The following CDCA3 variants were observed in gnomAD, a reference collection of about 807,000 sequenced individuals.
CDCA3 encodes cell division cycle-associated protein 3.
Under a neutral mutation model 29.1 loss-of-function variants are expected in CDCA3, and 16 were observed. The ratio of observed to expected loss-of-function variants is 0.55; its 90% CI spans 0.37 to 0.83. The LOEUF (loss-of-function observed/expected upper bound fraction) is 0.83. Among genes scored for constraint, CDCA3 ranks in the 40% least tolerant of loss-of-function variants. CDCA3 has a pLI of 0.00. For synonymous variants in CDCA3, 88 were observed against 124.5 expected (o/e 0.71, Z 1.95); for missense variants, 291 against 327.2 (o/e 0.89, Z 0.85).
rs375991472 is a variant in CDCA3 at position 6,849,811 on chromosome 12, C to A, written c.298G>T (p.Glu100Ter). The change falls in exon 4 of 6, where the codon GAA becomes TAA. Residue 100 changes from glutamate (E) to a stop codon, truncating the protein, a stop_gained. Coordinates refer to ENST00000538862, the MANE Select transcript of CDCA3 (RefSeq NM_031299.7). LOFTEE classifies it high-confidence loss of function. This position sits in a 1 kb window ranked among gnomAD's most constrained non-coding sequence, Gnocchi z 5.2. ...VKQLSEVFET[E>*]DSKSNLPPEP... ...GGGGGAAGATTTGATTTAGAGTCTT[C>A]AGTTTCAAATACTTCACTCAGCTGT... 1.3e-6 allele frequency: 2 copies of A among 1,579,012 alleles called. No individual in the cohort carries two copies. Among genetic ancestry groups the A allele is most frequent in the African/African-American group, 2.7e-5 (2 of 73,594 alleles).
At position 6,849,870 on chromosome 12, in the gene CDCA3, A is replaced by C; in HGVS notation, c.251-12T>G. 4 of 1,514,288 alleles carry C rather than the reference A, an allele frequency of 2.6e-6. No homozygotes were observed. Among genetic ancestry groups the C allele is most frequent in the Non-Finnish European group, 3.5e-6 (4 of 1,130,796 alleles). 93.8% of individuals were successfully genotyped at this position (1,514,288 alleles called of 1,614,324 possible). On this transcript the variant is annotated splice_polypyrimidine_tract_variant and intron_variant, in intron 3 of 5. Coordinates refer to ENST00000538862, the MANE Select transcript of CDCA3 (RefSeq NM_031299.7). This position sits in a 1 kb window ranked among gnomAD's most constrained non-coding sequence, Gnocchi z 5.2. ...TGGGCTTGGGGGGTCTAGAGGAAGA[A>C]AGTGAAGTGAACAGTGACCTTCTGA...
At position 6,850,351 on chromosome 12, in the gene CDCA3, G is replaced by A. The variant is rs1943821268; in HGVS notation, c.250+116C>T. The A allele has an allele frequency of 1.5e-6, 2 of 1,321,222 alleles. No homozygotes were observed. Among genetic ancestry groups the A allele is most frequent in the Non-Finnish European group, 2.1e-6 (2 of 939,302 alleles). 81.8% of individuals were successfully genotyped at this position (1,321,222 alleles called of 1,614,324 possible). ...AAATATTGAGATAAGAGTGAGATGG[G>A]TCCGAAGCAGGAGGATAGAGGCCCC... On this transcript the variant is annotated intron_variant, in intron 3 of 5. Coordinates refer to ENST00000538862, the MANE Select transcript of CDCA3 (RefSeq NM_031299.7). This position sits in a 1 kb window ranked among gnomAD's most constrained non-coding sequence, Gnocchi z 4.7.
intron 1 of CDCA3, 61 bp downstream of exon 1, chr12:6,851,161 T>TAC: frequency 1.5e-6 from 2 of 1,377,498 alleles, no homozygotes; most frequent in Admixed American, 3.4e-5. Flanking sequence ...GCTGACAAAA[T>TAC]GGCTCGTTCT....
downstream of CDCA3, chr12:6,846,573 C>T (rs1381767867): frequency 2.2e-6 from 1 of 459,364 alleles, no homozygotes; most frequent in African/African-American, 2.0e-5. Context: ...GGGTTGAGCC[C>T]AGTCTACCGA....
Position 6,850,460 on chromosome 12 carries a change from C to T in CDCA3, c.250+7G>A, listed in dbSNP as rs187591628. ...CTTCATCAGCATTCCCTGGGCCCAA[C>T]GCTTACCTCCACTGCTGGTCTTCAT... On this transcript the variant is annotated splice_region_variant and intron_variant, in intron 3 of 5. Transcript: ENST00000538862. The surrounding 1 kb of genome is among the most constrained non-coding windows in gnomAD (Gnocchi z 4.7). The T allele has an allele frequency of 9.3e-4, 1,507 of 1,614,086 alleles. 1 individual carries two copies. Among genetic ancestry groups the T allele is most frequent in the Admixed American group, 1.3e-3 (76 of 60,022 alleles).
rs1427299737 is a variant in CDCA3 at position 6,849,408 on chromosome 12, T to C, written c.566A>G (p.Lys189Arg). 2 of 1,599,372 alleles carry C rather than the reference T, an allele frequency of 1.3e-6. No individual in the cohort carries two copies. The highest frequency in any genetic ancestry group is 2.7e-5 in the African/African-American group (2 of 74,226). The part of the protein sequence containing the change: ...RSSGSMRNRW[K>R]PNSSKVLGRS... ...CCCTAGTACCTTGCTGCTGTTTGGT[T>C]TCCATCTATTGCGCATAGAACCTGG... Residue 189 changes from lysine (K) to arginine (R), a missense_variant, in exon 5 of 6, where the codon AAA (lysine) becomes AGA (arginine). Coordinates refer to ENST00000538862, the MANE Select transcript of CDCA3 (RefSeq NM_031299.7). This position sits in a 1 kb window ranked among gnomAD's most constrained non-coding sequence, Gnocchi z 5.2.
In CDCA3 at chr12:6,849,917, C is replaced by G; in HGVS notation, c.251-59G>C. The stretch of plus-strand genomic sequence containing the variant: ...CTGATACACAACATTCAGCAAGGAG[C>G]AAAACATACAGAAACCCAGGACTCA... On this transcript the variant is annotated intron_variant, in intron 3 of 5. Transcript: ENST00000538862. The surrounding 1 kb of genome is among the most constrained non-coding windows in gnomAD (Gnocchi z 5.2). 1 of 1,397,306 alleles carries G rather than the reference C, an allele frequency of 7.2e-7. No homozygotes were observed. The highest frequency in any genetic ancestry group is 9.5e-7 in the Non-Finnish European group (1 of 1,050,482). 86.6% of individuals were successfully genotyped at this position (1,397,306 alleles called of 1,614,324 possible).
downstream of CDCA3, chr12:6,847,225 C>T: frequency 3.0e-6 from 1 of 331,188 alleles, no homozygotes; most frequent in Non-Finnish European, 5.7e-6. Context: ...TAGGATTCCT[C>T]CCCCAGAGCC....
rs1591598375 is a variant in CDCA3 at position 6,850,293 on chromosome 12, C to T, written c.250+174G>A. On this transcript the variant is annotated intron_variant, in intron 3 of 5. Transcript: ENST00000538862. The surrounding 1 kb of genome is among the most constrained non-coding windows in gnomAD (Gnocchi z 4.7). ...CCGGCCTTCCAACGTGCTGGGATTA[C>T]AGGCATGAGCCACCGCACCCAGGCT... is the stretch of plus-strand genomic sequence containing the variant. The T allele has an allele frequency of 2.4e-6, 2 of 842,010 alleles. No homozygotes were observed. Among genetic ancestry groups the T allele is most frequent in the East Asian group, 5.2e-5 (2 of 38,512 alleles). 52.2% of individuals were successfully genotyped at this position (842,010 alleles called of 1,614,324 possible).
downstream of CDCA3, chr12:6,848,761 G>T (rs1264647240): frequency 1.2e-5 from 5 of 434,216 alleles, no homozygotes; most frequent in African/African-American, 1.0e-4. Flanking sequence ...AGTGGGCTCA[G>T]GCCAGGGAAC....
At chr12:6,845,637 C>G, downstream of CDCA3, 1 of 1,613,766 alleles carries the variant, frequency 6.2e-7, no homozygotes, top group Non-Finnish European at 8.5e-7. Context: ...CGCTTCCTGC[C>G]GCTTGTTTGA....
downstream of CDCA3, chr12:6,846,734 C>T (rs1408315663): frequency 7.2e-6 from 7 of 971,122 alleles, no homozygotes; most frequent in East Asian, 2.6e-5. Flanking sequence ...CACGCATGCA[C>T]ACACTGCTTT....
chr12:6,849,868 G>C lies in CDCA3; in HGVS notation c.251-10C>G. ...AGTGGGCTTGGGGGGTCTAGAGGAA[G>C]AAAGTGAAGTGAACAGTGACCTTCT... On this transcript the variant is annotated splice_polypyrimidine_tract_variant and intron_variant, in intron 3 of 5. Transcript: ENST00000538862. This position sits in a 1 kb window ranked among gnomAD's most constrained non-coding sequence, Gnocchi z 5.2. 1 of 1,514,844 alleles carries C rather than the reference G, an allele frequency of 6.6e-7. No homozygotes were observed. The highest frequency in any genetic ancestry group is 8.8e-7 in the Non-Finnish European group (1 of 1,131,066). 93.8% of individuals were successfully genotyped at this position (1,514,844 alleles called of 1,614,324 possible).
At position 6,850,161 on chromosome 12, in the gene CDCA3, T is replaced by G. The variant is rs1467757299; in HGVS notation, c.251-303A>C. On this transcript the variant is annotated intron_variant, in intron 3 of 5. Coordinates refer to ENST00000538862, the MANE Select transcript of CDCA3 (RefSeq NM_031299.7). This position sits in a 1 kb window ranked among gnomAD's most constrained non-coding sequence, Gnocchi z 4.7. ...ATCACAGGCCCATGCCACCGTGCTTTTGTGTGTGTGTGTGTGTGTTATGTG... is the reference window on the plus strand; with the variant it reads ...ATCACAGGCCCATGCCACCGTGCTTGTGTGTGTGTGTGTGTGTGTTATGTG... The G allele has an allele frequency of 1.2e-5, 5 of 429,448 alleles. No homozygotes were observed. Among genetic ancestry groups the G allele is most frequent in the Non-Finnish European group, 1.7e-5 (4 of 238,218 alleles). 26.6% of individuals were successfully genotyped at this position (429,448 alleles called of 1,614,324 possible).
chr12:6,846,142 G>T, downstream of CDCA3: 1 of 316,188 alleles, frequency 3.2e-6, no homozygotes, highest in South Asian at 4.0e-5. Context: ...ATGGAATCAA[G>T]GCAGAATCAA....
downstream of CDCA3, chr12:6,846,621 G>A: frequency 7.2e-6 from 4 of 554,578 alleles, no homozygotes; most frequent in Non-Finnish European, 6.6e-6. Context: ...AAGCACACAT[G>A]CACACACACA....
downstream of CDCA3, chr12:6,848,248 A>G (rs1943745085): frequency 6.6e-6 from 1 of 152,272 alleles, no homozygotes; most frequent in African/African-American, 2.4e-5. Context: ...GCTACTGGAG[A>G]GGCTGAGACA....
chr12:6,845,262 T>A, downstream of CDCA3: 1 of 325,874 alleles, frequency 3.1e-6, no homozygotes, highest in Non-Finnish European at 5.8e-6. Context: ...CCAGCCCACT[T>A]GTGTAGTCTG....
In CDCA3 at chr12:6,851,237, CCTCTG is replaced by C. The variant is rs1555126505; in HGVS notation, c.-78_-74del. On this transcript the variant is annotated 5_prime_UTR_variant, in exon 1 of 6. Coordinates refer to ENST00000538862, the MANE Select transcript of CDCA3 (RefSeq NM_031299.7). ...AATCACTTACCGGGCCCCAATTCCA[CCTCTG>C]GATGCACAACAGCTCGTGGCTCAAC... is the stretch of plus-strand genomic sequence containing the variant. 8.3e-7 allele frequency: 1 copy of C among 1,206,664 alleles called. No individual in the cohort carries two copies. The highest frequency in any genetic ancestry group is 1.6e-5 in the African/African-American group (1 of 63,738). 74.7% of individuals were successfully genotyped at this position (1,206,664 alleles called of 1,614,324 possible).
Sources: gnomAD v4.1 joint callset for allele counts on GRCh38, gnomAD v4.1.1 for gene constraint, Gnocchi (gnomAD v3.1) non-coding constraint, MANE v1.5 for transcripts, NCBI Gene and HGNC (gene_info 2026-07-23, HGNC 2026-07-21) for gene names.